The following PLCL1 variants were observed in gnomAD, a reference collection of about 807,000 sequenced individuals.
The protein encoded by PLCL1 is phospholipase C like 1 (inactive).
Under a neutral mutation model 84.4 loss-of-function variants are expected in PLCL1, and 41 were observed. That is an observed-to-expected ratio of 0.49 (90% CI 0.38 to 0.63). The LOEUF is 0.63. PLCL1 is among the 30% of genes least tolerant of loss of function. The pLI is 0.00. For synonymous variants in PLCL1, 490 were observed against 488.3 expected (o/e 1.00, Z -0.05); for missense variants, 1,206 against 1,367.8 (o/e 0.88, Z 1.87).
chr2:198,049,719 G>C (rs1175414894), intron 1 of PLCL1, among the ~76,000 whole-genome samples: 2 of 152,172 alleles, frequency 1.3e-5, no homozygotes, highest in Non-Finnish European at 2.9e-5. Flanking sequence ...TGTCTCTTGA[G>C]TGAAACTTGG....
intron 1 of PLCL1, among the ~76,000 whole-genome samples, chr2:197,843,775 G>T (rs576493519): frequency 1.3e-5 from 2 of 152,264 alleles, no homozygotes; most frequent in African/African-American, 4.8e-5. Context: ...AATTTTAGTA[G>T]GTCTGGTGAA....
intron 1 of PLCL1, among the ~76,000 whole-genome samples, chr2:198,052,878 C>T (rs1691974987): frequency 6.6e-6 from 1 of 152,126 alleles, no homozygotes; most frequent in Admixed American, 6.5e-5. Context: ...CATTCCTAGC[C>T]TGGAAGAAGA....
rs1688508037 is a variant in PLCL1 at position 197,912,744 on chromosome 2, T to C, written c.240+107405T>C. On this transcript the variant is annotated intron_variant, in intron 1 of 5. Coordinates refer to ENST00000428675, the MANE Select transcript of PLCL1 (RefSeq NM_006226.4). Reference sequence around the variant, plus strand: ...TCACTCATAGGTGGGAATTGAACAGTGAGATCACATGGACACAGGAAGGGG... The same window carrying C: ...TCACTCATAGGTGGGAATTGAACAGCGAGATCACATGGACACAGGAAGGGG... Among the ~76,000 whole-genome samples, 3 of 130,964 alleles carry C rather than the reference T, an allele frequency of 2.3e-5. No individual in the cohort carries two copies. In the Admixed American group the frequency reaches 2.7e-4, roughly 12 times the overall value. 85.9% of individuals were successfully genotyped at this position (130,964 alleles called of 152,430 possible).
chr2:197,843,069 T>C (rs1026221215), intron 1 of PLCL1, among the ~76,000 whole-genome samples: 1 of 152,196 alleles, frequency 6.6e-6, no homozygotes, highest in African/African-American at 2.4e-5. Flanking sequence ...CATATTTCTT[T>C]ATTCATCTGT....
At chr2:197,887,401 A>G (rs1444076935) in intron 1 of PLCL1, among the ~76,000 whole-genome samples, 1 of 152,160 alleles carries the variant, frequency 6.6e-6, no homozygotes, top group African/African-American at 2.4e-5. Context: ...CTTTGCTCAC[A>G]TAAATAAAAT....
At chr2:198,136,321 T>C (rs1694255368) in intron 5 of PLCL1, among the ~76,000 whole-genome samples, 1 of 152,122 alleles carries the variant, frequency 6.6e-6, no homozygotes, top group Non-Finnish European at 1.5e-5. Flanking sequence ...GTGAGTACAA[T>C]TATTATAGCC....
At chr2:198,025,634 T>G (rs1691245245) in intron 1 of PLCL1, among the ~76,000 whole-genome samples, 1 of 152,118 alleles carries the variant, frequency 6.6e-6, no homozygotes, top group South Asian at 2.1e-4. Flanking sequence ...TTGTGTGAGT[T>G]GAATGTAAAA....
chr2:197,933,954 A>G (rs549589655), intron 1 of PLCL1, among the ~76,000 whole-genome samples: 1 of 152,186 alleles, frequency 6.6e-6, no homozygotes, highest in Non-Finnish European at 1.5e-5. Flanking sequence ...TGGGTTAAAA[A>G]TGGTTATAGC....
intron 1 of PLCL1, among the ~76,000 whole-genome samples, chr2:198,052,804 G>A (rs560851889): frequency 6.6e-6 from 1 of 152,298 alleles, no homozygotes; most frequent in Admixed American, 6.5e-5. Context: ...AGAAGGGACT[G>A]ACTAGGTTAA....
At chr2:198,143,719 C>A (rs16827916) in intron 5 of PLCL1, among the ~76,000 whole-genome samples, 15,361 of 152,012 alleles carry the variant, frequency 0.1, 1,918 homozygotes, top group African/African-American at 0.3. Flanking sequence ...TGCCTTGATT[C>A]GGAAGACCCA....
At chr2:198,136,097 C>T (rs1694249362) in intron 5 of PLCL1, among the ~76,000 whole-genome samples, 1 of 152,166 alleles carries the variant, frequency 6.6e-6, no homozygotes, top group African/African-American at 2.4e-5. Flanking sequence ...ATTCTCTCCA[C>T]TTTGTCAACT....
intron 1 of PLCL1, among the ~76,000 whole-genome samples, chr2:197,903,871 C>T (rs1345947844): frequency 6.8e-6 from 1 of 147,844 alleles, no homozygotes; most frequent in Non-Finnish European, 1.5e-5. Context: ...GGTGCGATCT[C>T]GGCTCACTGC....
chr2:197,854,042 G>A (rs1687288360), intron 1 of PLCL1, among the ~76,000 whole-genome samples: 1 of 152,114 alleles, frequency 6.6e-6, no homozygotes, highest in Admixed American at 6.5e-5. Context: ...TGCTGGGTCT[G>A]AGAATCTGAA....
At chr2:198,100,786 T>C (rs1313308370) in intron 3 of PLCL1, among the ~76,000 whole-genome samples, 1 of 151,836 alleles carries the variant, frequency 6.6e-6, no homozygotes, top group Non-Finnish European at 1.5e-5. Context: ...AGATAGGAGA[T>C]ACTTCATTTT....
chr2:198,010,918 A>G (rs1234132193), intron 1 of PLCL1, among the ~76,000 whole-genome samples: 1 of 151,734 alleles, frequency 6.6e-6, no homozygotes, highest in Non-Finnish European at 1.5e-5. Context: ...TTGTTGGCAT[A>G]TAATTGCTCA....
chr2:198,085,413 T>C lies in PLCL1; in HGVS notation c.1896T>C (p.Val632=). ...CAAATGAGTACCCAGAGGATTTTGT[T>C]AATTATAATAAGAAGTTCTTATCAA... The part of the protein sequence containing the change: ...RIANEYPEDF[V]NYNKKFLSRI... The change falls in exon 2 of 6, where the codon GTT becomes GTC. Residue 632 remains valine (V), a synonymous_variant. Coordinates refer to ENST00000428675, the MANE Select transcript of PLCL1 (RefSeq NM_006226.4). The surrounding 1 kb of genome is among the most constrained non-coding windows in gnomAD (Gnocchi z 5.3). The C allele has an allele frequency of 6.2e-7, 1 of 1,611,836 alleles. No individual in the cohort carries two copies. The highest frequency in any genetic ancestry group is 8.5e-7 in the Non-Finnish European group (1 of 1,178,124).
intron 1 of PLCL1, among the ~76,000 whole-genome samples, chr2:197,901,178 A>T (rs1160865497): frequency 6.6e-6 from 1 of 152,226 alleles, no homozygotes; most frequent in African/African-American, 2.4e-5. Flanking sequence ...TTCGAATCAG[A>T]ATCCAGAATC....
rs142306984 is a variant in PLCL1 at position 198,079,893 on chromosome 2, C to T, written c.241-3865C>T. On this transcript the variant is annotated intron_variant, in intron 1 of 5. Coordinates refer to ENST00000428675, the MANE Select transcript of PLCL1 (RefSeq NM_006226.4). Reference sequence around the variant, plus strand: ...TGAGGTTAAGCTTTAATTTAGGGGACAGAGGCATGACAATGCACTATTTAT... The same window carrying T: ...TGAGGTTAAGCTTTAATTTAGGGGATAGAGGCATGACAATGCACTATTTAT... 2.0e-3 allele frequency among the ~76,000 whole-genome samples: 308 copies of T among 152,274 alleles called. 2 individuals are homozygous for T. The highest frequency in any genetic ancestry group is 7.1e-3 in the African/African-American group (296 of 41,554).
At chr2:197,942,474 C>A (rs985737434) in intron 1 of PLCL1, among the ~76,000 whole-genome samples, 1 of 152,178 alleles carries the variant, frequency 6.6e-6, no homozygotes, top group Non-Finnish European at 1.5e-5. Flanking sequence ...CCACTCTAAG[C>A]CTGCTCCCAT....
Sources: allele counts gnomAD v4.1 joint callset (sites outside exome capture counted in the v4.1 genomes callset), GRCh38; gene constraint gnomAD v4.1.1; non-coding constraint Gnocchi (gnomAD v3.1); transcripts MANE v1.5; gene names NCBI Gene and HGNC (gene_info 2026-07-23, HGNC 2026-07-21).